The following HEMK2 variants were observed in gnomAD, a reference collection of about 807,000 sequenced individuals.
HEMK2 encodes methyltransferase HEMK2.
At chr21:28,838,972 A>AAAATATATATATATATATATAT in the HEMK2 span, among the ~76,000 whole-genome samples, 9 of 29,148 alleles carry the variant, frequency 3.1e-4, no homozygotes, top group Admixed American at 5.0e-4. Context: ...AAAAAAAAAA[A>AAAATATATATATATATATATAT]ATATATATAT....
At chr21:28,825,773 T>C in the HEMK2 span, among the ~76,000 whole-genome samples, 1 of 152,210 alleles carries the variant, frequency 6.6e-6, no homozygotes, top group East Asian at 1.9e-4. Flanking sequence ...TGACCAACTA[T>C]TCTAGTTTTC....
At chr21:28,866,923 T>C in the HEMK2 span, among the ~76,000 whole-genome samples, 4 of 151,962 alleles carry the variant, frequency 2.6e-5, no homozygotes, top group South Asian at 2.1e-4. Context: ...AATAAACATA[T>C]GAAAATTTCA....
At chr21:28,792,034 A>G in the HEMK2 span, among the ~76,000 whole-genome samples, 1 of 152,178 alleles carries the variant, frequency 6.6e-6, no homozygotes, top group Non-Finnish European at 1.5e-5. Flanking sequence ...TTATATGCTA[A>G]TTATAATGCA....
At chr21:28,606,441 C>T in the HEMK2 span, among the ~76,000 whole-genome samples, 1 of 152,170 alleles carries the variant, frequency 6.6e-6, no homozygotes, top group African/African-American at 2.4e-5. Context: ...CTCCTGACTC[C>T]TCTGGCTGGT....
the HEMK2 span, among the ~76,000 whole-genome samples, chr21:28,575,601 A>AT: frequency 6.5e-3 from 982 of 152,126 alleles, 6 homozygotes; most frequent in Non-Finnish European, 9.3e-3. Context: ...ATCACTGTGG[A>AT]TTTTTTTTGT....
chr21:28,789,598 A>G, the HEMK2 span, among the ~76,000 whole-genome samples: 1 of 152,246 alleles, frequency 6.6e-6, no homozygotes, highest in South Asian at 2.1e-4. Flanking sequence ...AATTCTTTCT[A>G]GAGTGGATTC....
At chr21:28,616,962 A>G in the HEMK2 span, among the ~76,000 whole-genome samples, 1 of 152,372 alleles carries the variant, frequency 6.6e-6, no homozygotes, top group Admixed American at 6.5e-5. Flanking sequence ...ACAGTGATAC[A>G]AAGTATATAA....
At chr21:28,881,966 C>A in the HEMK2 span, among the ~76,000 whole-genome samples, 2 of 152,106 alleles carry the variant, frequency 1.3e-5, no homozygotes, top group African/African-American at 4.8e-5. Flanking sequence ...CCAGTTTGAA[C>A]TGGGTTCACT....
the HEMK2 span, among the ~76,000 whole-genome samples, chr21:28,682,003 T>C: frequency 6.6e-6 from 1 of 152,210 alleles, no homozygotes; most frequent in Non-Finnish European, 1.5e-5. Flanking sequence ...AAGGACTTCA[T>C]GTCTAAAACA....
At chr21:28,833,953 G>A in the HEMK2 span, among the ~76,000 whole-genome samples, 9 of 152,322 alleles carry the variant, frequency 5.9e-5, no homozygotes, top group African/African-American at 2.2e-4. Context: ...ACCAGCTTCT[G>A]GGAATTAAAC....
At chr21:28,709,128 C>T in the HEMK2 span, among the ~76,000 whole-genome samples, 1 of 152,162 alleles carries the variant, frequency 6.6e-6, no homozygotes, top group Non-Finnish European at 1.5e-5. Flanking sequence ...CTTATGAGGG[C>T]TCCACCCTAG....
chr21:28,763,897 G>A, the HEMK2 span, among the ~76,000 whole-genome samples: 2 of 148,148 alleles, frequency 1.3e-5, no homozygotes, highest in Non-Finnish European at 3.0e-5. Context: ...GAGCAGACTA[G>A]GGAGTTAATG....
chr21:28,715,525 A>G, the HEMK2 span, among the ~76,000 whole-genome samples: 1 of 152,278 alleles, frequency 6.6e-6, no homozygotes, highest in East Asian at 1.9e-4. Context: ...AATTCTTTAC[A>G]TATTCTGGAT....
At chr21:28,866,923 T>A in the HEMK2 span, among the ~76,000 whole-genome samples, 101,816 of 151,888 alleles carry the variant, frequency 0.67, 34,350 homozygotes, top group Non-Finnish European at 0.7. Context: ...AATAAACATA[T>A]GAAAATTTCA....
At chr21:28,876,452 C>G in the HEMK2 span, 4 of 1,608,032 alleles carry the variant, frequency 2.5e-6, no homozygotes, top group Non-Finnish European at 3.4e-6. Flanking sequence ...TGCAGTGGTT[C>G]CTTGCAGACC....
chr21:28,827,757 A>T, the HEMK2 span, among the ~76,000 whole-genome samples: 11,709 of 152,222 alleles, frequency 0.077, 486 homozygotes, highest in Middle Eastern at 0.11. Flanking sequence ...TTATAATTGC[A>T]TGCATCTAGT....
chr21:28,595,604 T>G, the HEMK2 span, among the ~76,000 whole-genome samples: 1 of 152,290 alleles, frequency 6.6e-6, no homozygotes, highest in Non-Finnish European at 1.5e-5. Context: ...TGCTTCCAAA[T>G]TTTGGCTATC....
At chr21:28,864,614 C>G in the HEMK2 span, among the ~76,000 whole-genome samples, 1 of 152,162 alleles carries the variant, frequency 6.6e-6, no homozygotes, top group Non-Finnish European at 1.5e-5. Context: ...CATTTGGACA[C>G]GTCCACTTAA....
At chr21:28,657,753 C>G in the HEMK2 span, among the ~76,000 whole-genome samples, 2 of 152,002 alleles carry the variant, frequency 1.3e-5, no homozygotes, top group African/African-American at 2.4e-5. Flanking sequence ...CAACCCAAAC[C>G]TTTAAGGCTG....
Sources: gnomAD v4.1 joint callset for allele counts (sites outside exome capture counted in the v4.1 genomes callset) on GRCh38, gnomAD v4.1.1 for gene constraint, MANE v1.5 for transcripts, NCBI Gene and HGNC (gene_info 2026-07-23, HGNC 2026-07-21) for gene names.